CREB5: variants seen among roughly 807,000 people sequenced by gnomAD.
The protein encoded by CREB5 is cyclic AMP-responsive element-binding protein 5.
In CREB5, 19 loss-of-function variants were observed where a neutral mutation model predicts 57.1. That is an observed-to-expected ratio of 0.33 (90% CI 0.23 to 0.49). The LOEUF is 0.49. CREB5 is among the 20% of genes least tolerant of loss of function. The pLI is 0.99. For missense variants in CREB5, 579 were observed against 671.6 expected, an observed-to-expected ratio of 0.86 and a Z score of 1.52; for synonymous variants, 238 against 238.3, an observed-to-expected ratio of 1.00 and a Z score of 0.01.
At chr7:28,525,276 G>A (rs1216071067) in intron 4 of CREB5, among the ~76,000 whole-genome samples, 3 of 152,110 alleles carry the variant, frequency 2.0e-5, no homozygotes, top group African/African-American at 7.2e-5. Flanking sequence ...GAATAGTGCT[G>A]CAATAAATGT....
chr7:28,747,668 G>A (rs1302883278), intron 7 of CREB5, among the ~76,000 whole-genome samples: 1 of 152,078 alleles, frequency 6.6e-6, no homozygotes, highest in Admixed American at 6.5e-5. Context: ...TTTTTTTCCA[G>A]TCTCTCCCTC....
chr7:28,330,941 T>C (rs1326305497), intron 1 of CREB5, among the ~76,000 whole-genome samples: 1 of 152,134 alleles, frequency 6.6e-6, no homozygotes, highest in African/African-American at 2.4e-5. Context: ...AAAATCCTCA[T>C]CTAGCCCCTG....
intron 1 of CREB5, among the ~76,000 whole-genome samples, chr7:28,438,420 C>A (rs1029661606): frequency 1.3e-5 from 2 of 152,046 alleles, no homozygotes; most frequent in African/African-American, 4.8e-5. Flanking sequence ...CCAACTTGAC[C>A]ATATAGGGCC....
intron 5 of CREB5, among the ~76,000 whole-genome samples, chr7:28,655,999 T>C (rs1355626074): frequency 6.6e-6 from 1 of 152,198 alleles, no homozygotes; most frequent in Non-Finnish European, 1.5e-5. Context: ...CAACAGTTCA[T>C]TAACAAATTC....
chr7:28,718,977 A>C, intron 6 of CREB5, 98 bp downstream of exon 6: 1 of 1,558,508 alleles, frequency 6.4e-7, no homozygotes, highest in Non-Finnish European at 8.7e-7. Flanking sequence ...AGCTGATGGG[A>C]AAGAAGGCGA....
intron 4 of CREB5, among the ~76,000 whole-genome samples, chr7:28,515,304 G>A (rs559067347): frequency 2.0e-5 from 3 of 152,312 alleles, no homozygotes; most frequent in Admixed American, 6.5e-5. Context: ...CTCTCTGGGT[G>A]TCCAGCTCTG....
At chr7:28,705,532 C>CTG (rs1340313748) in intron 5 of CREB5, among the ~76,000 whole-genome samples, 1 of 152,156 alleles carries the variant, frequency 6.6e-6, no homozygotes, top group East Asian at 1.9e-4. Flanking sequence ...TAGGGACTTA[C>CTG]TGTCTATAGC....
chr7:28,512,669 A>G (rs547465426), intron 4 of CREB5, among the ~76,000 whole-genome samples: 10 of 149,188 alleles, frequency 6.7e-5, no homozygotes, highest in Admixed American at 2.0e-4. Flanking sequence ...GTGTGTGTGT[A>G]TGTGTGTGTG....
intron 7 of CREB5, among the ~76,000 whole-genome samples, chr7:28,776,933 C>T (rs1806687865): frequency 6.6e-6 from 1 of 152,164 alleles, no homozygotes; most frequent in Admixed American, 6.5e-5. Context: ...ACATTTTATT[C>T]ACCCATTCAT....
chr7:28,567,802 C>T (rs1306501613), intron 4 of CREB5, among the ~76,000 whole-genome samples: 1 of 152,060 alleles, frequency 6.6e-6, no homozygotes, highest in Admixed American at 6.6e-5. Flanking sequence ...GAATGAATCA[C>T]ATAGAGCAAG....
intron 4 of CREB5, among the ~76,000 whole-genome samples, chr7:28,540,910 A>G (rs1372043586): frequency 6.6e-6 from 1 of 152,162 alleles, no homozygotes; most frequent in East Asian, 1.9e-4. Context: ...CCACCTGCTG[A>G]ATTAATTGAT....
intron 5 of CREB5, among the ~76,000 whole-genome samples, chr7:28,693,800 T>C (rs192414233): frequency 2.6e-4 from 39 of 152,374 alleles, no homozygotes; most frequent in African/African-American, 8.7e-4. Flanking sequence ...ATGTTAGTTA[T>C]TTAATAATGG....
chr7:28,512,005 C>A (rs1792723017), intron 4 of CREB5, among the ~76,000 whole-genome samples: 1 of 152,084 alleles, frequency 6.6e-6, no homozygotes, highest in African/African-American at 2.4e-5. Flanking sequence ...AGAGAGCCAA[C>A]AGGATTTGCT....
At chr7:28,611,884 A>G (rs756115268) in intron 5 of CREB5, among the ~76,000 whole-genome samples, 3 of 152,038 alleles carry the variant, frequency 2.0e-5, no homozygotes, top group Non-Finnish European at 4.4e-5. Flanking sequence ...GAATTTTACT[A>G]TATGTAAATT....
chr7:28,780,169 G>A (rs1323428934), intron 7 of CREB5, among the ~76,000 whole-genome samples: 7 of 151,982 alleles, frequency 4.6e-5, no homozygotes, highest in African/African-American at 9.7e-5. Flanking sequence ...CCCACACATC[G>A]TCAGCCCTGT....
intron 5 of CREB5, among the ~76,000 whole-genome samples, chr7:28,684,478 T>C (rs981094013): frequency 6.6e-6 from 1 of 152,306 alleles, no homozygotes; most frequent in Admixed American, 6.5e-5. Context: ...AAATATTGCT[T>C]TTTAACTCTT....
At chr7:28,372,139 A>C (rs750996193) in intron 1 of CREB5, among the ~76,000 whole-genome samples, 56 of 152,292 alleles carry the variant, frequency 3.7e-4, no homozygotes, top group African/African-American at 1.1e-3. Context: ...CAATTAGTTA[A>C]TTCTCACGGC....
intron 1 of CREB5, among the ~76,000 whole-genome samples, chr7:28,405,984 A>G (rs1466031547): frequency 6.6e-6 from 1 of 152,124 alleles, no homozygotes; most frequent in Non-Finnish European, 1.5e-5. Context: ...TGACTTTAAT[A>G]AGTTGCCTGG....
intron 4 of CREB5, among the ~76,000 whole-genome samples, chr7:28,510,549 T>C (rs1792664208): frequency 6.6e-6 from 1 of 152,248 alleles, no homozygotes; most frequent in African/African-American, 2.4e-5. Context: ...CTAGCTGCAG[T>C]TGGTCTAGAA....
Sources: gnomAD v4.1 joint callset for allele counts (sites outside exome capture counted in the v4.1 genomes callset) on GRCh38, gnomAD v4.1.1 for gene constraint, MANE v1.5 for transcripts, NCBI Gene and HGNC (gene_info 2026-07-23, HGNC 2026-07-21) for gene names.